ANKRD1: variants seen among roughly 807,000 people sequenced by gnomAD.
ANKRD1 encodes the protein ankyrin repeat domain-containing protein 1.
In ANKRD1, 32 loss-of-function variants were observed where a neutral mutation model predicts 40.1. The observed-to-expected ratio is 0.80, with a 90% confidence interval of 0.60 to 1.07. The LOEUF is 1.07. Among genes scored for constraint, ANKRD1 ranks in the 50% least tolerant of loss-of-function variants. The pLI is 0.00. For missense variants in ANKRD1, 359 were observed against 386.0 expected, an observed-to-expected ratio of 0.93 and a Z score of 0.59; for synonymous variants, 149 against 141.2, an observed-to-expected ratio of 1.06 and a Z score of -0.39.
Position 90,919,130 on chromosome 10 carries a change from C to A in ANKRD1, c.345+1G>T, listed in dbSNP as rs772102908. The stretch of plus-strand genomic sequence containing the variant: ...CTGGAAACCAAAAAAAAAGCCCTTA[C>A]AATGATTTCAGGTTCTGGTTCCTTT... On this transcript the variant is annotated splice_donor_variant, in intron 3 of 8. Coordinates refer to ENST00000371697, the MANE Select transcript of ANKRD1 (RefSeq NM_014391.3). LOFTEE classifies it high-confidence loss of function. The A allele has an allele frequency of 5.0e-6, 8 of 1,612,934 alleles. No individual in the cohort carries two copies. In the South Asian group the frequency reaches 5.5e-5, roughly 11 times the overall value.
intron 8 of ANKRD1, among the ~76,000 whole-genome samples, chr10:90,913,566 T>C (rs1847339582): frequency 6.6e-6 from 1 of 152,186 alleles, no homozygotes; most frequent in African/African-American, 2.4e-5. Flanking sequence ...GAACAAATAA[T>C]TTTTGAGACG....
chr10:90,915,476 C>T (rs1178742788), intron 8 of ANKRD1, 67 bp downstream of exon 8: 3 of 1,405,148 alleles, frequency 2.1e-6, no homozygotes, highest in African/African-American at 2.8e-5. Flanking sequence ...AGTCGTTTCA[C>T]CTATTTAAGA....
chr10:90,920,254 T>G lies in ANKRD1; in HGVS notation c.122A>C (p.Lys41Thr). 6.2e-7 allele frequency: 1 copy of G among 1,614,182 alleles called. No homozygotes were observed. The highest frequency in any genetic ancestry group is 8.5e-7 in the Non-Finnish European group (1 of 1,180,006). The change falls in exon 2 of 9, where the codon AAG becomes ACG. Residue 41 changes from lysine to threonine, a missense_variant. Physicochemically the swap from Lys to Thr is moderately conservative, Grantham distance 78. Coordinates refer to ENST00000371697, the MANE Select transcript of ANKRD1 (RefSeq NM_014391.3). ...TAGAAGTGTCTTCAGATCCTCCTGC[T>G]TCTCTAAAGTAACAGCAGCTTCATA... ...GEYEAAVTLE[K>T]QEDLKTLLAH...
intron 1 of ANKRD1, 46 bp downstream of exon 1, chr10:90,920,955 A>G (rs760785625): frequency 5.0e-6 from 8 of 1,584,592 alleles, no homozygotes; most frequent in Non-Finnish European, 6.1e-6. Context: ...AATAAAAACC[A>G]AGATGAACCA....
At position 90,916,347 on chromosome 10, in the gene ANKRD1, G is replaced by A. The variant is rs1847374285; in HGVS notation, c.553-78C>T. 8.4e-6 allele frequency: 9 copies of A among 1,067,024 alleles called. No homozygotes were observed. The Admixed American group carries it at 1.2e-4, about 15-fold the overall frequency. 66.1% of individuals were successfully genotyped at this position (1,067,024 alleles called of 1,614,324 possible). A position where few individuals can be genotyped will look rare whatever the true frequency, so the allele number is the denominator to read the frequency against. ...TTAGAACCTGGTTGCTAGGGCATCC[G>A]TGAAAATAATGAGTTGTCCCCATCT... is the stretch of plus-strand genomic sequence containing the variant. On this transcript the variant is annotated intron_variant, in intron 5 of 8. Coordinates refer to ENST00000371697, the MANE Select transcript of ANKRD1 (RefSeq NM_014391.3).
At chr10:90,916,481 TAAATC>T (rs1216315715) in intron 5 of ANKRD1, among the ~76,000 whole-genome samples, 2 of 152,146 alleles carry the variant, frequency 1.3e-5, no homozygotes, top group East Asian at 1.9e-4. Context: ...AGGCTCTTAA[TAAATC>T]TAATAATGTT....
At chr10:90,914,529 C>G (rs1478422851) in intron 8 of ANKRD1, among the ~76,000 whole-genome samples, 3 of 152,134 alleles carry the variant, frequency 2.0e-5, no homozygotes, top group Non-Finnish European at 4.4e-5. Flanking sequence ...TAGATAGGAT[C>G]AATTCCAATA....
In ANKRD1 at chr10:90,912,670, T is replaced by C; in HGVS notation, c.*196A>G. On this transcript the variant is annotated 3_prime_UTR_variant, in exon 9 of 9. Transcript: ENST00000371697. Reference sequence around the variant, plus strand: ...GTGGCAGTAAATAAATAAACAGGAATACATAAAAATAAATAAGAGTTTCAC... The same window carrying C: ...GTGGCAGTAAATAAATAAACAGGAACACATAAAAATAAATAAGAGTTTCAC... 2 of 557,414 alleles carry C rather than the reference T, an allele frequency of 3.6e-6. No homozygotes were observed. The highest frequency in any genetic ancestry group is 4.0e-5 in the South Asian group (2 of 50,592). 34.5% of individuals were successfully genotyped at this position (557,414 alleles called of 1,614,324 possible). A position where few individuals can be genotyped will look rare whatever the true frequency, so the allele number is the denominator to read the frequency against.
intron 5 of ANKRD1, among the ~76,000 whole-genome samples, chr10:90,916,974 C>A (rs1305040211): frequency 6.6e-6 from 1 of 152,134 alleles, no homozygotes; most frequent in African/African-American, 2.4e-5. Flanking sequence ...CCTCACTGAT[C>A]TATGTGGTTG....
At position 90,912,996 on chromosome 10, in the gene ANKRD1, A is replaced by G; in HGVS notation, c.850-20T>C. On this transcript the variant is annotated intron_variant, in intron 8 of 8. Transcript: ENST00000371697. ...CCCAGCCTAATCAAATGAGATAAGG[A>G]AAGTTGACTTTCAGGTGGGTGACAT... is the stretch of plus-strand genomic sequence containing the variant. The G allele has an allele frequency of 6.2e-7, 1 of 1,608,474 alleles. No individual in the cohort carries two copies. Among genetic ancestry groups the G allele is most frequent in the East Asian group, 2.2e-5 (1 of 44,852 alleles).
rs60406118 is a variant in ANKRD1, at chr10:90,918,991, A to AATATATATATATAT, written c.346-33_346-20dup. 1.1e-5 allele frequency: 3 copies of AATATATATATATAT among 269,588 alleles called. No individual in the cohort carries two copies. The highest frequency in any genetic ancestry group is 6.8e-5 in the African/African-American group (1 of 14,740). 16.7% of individuals were successfully genotyped at this position (269,588 alleles called of 1,614,324 possible). Reference sequence around the variant, plus strand: ...GTTCCGTCTAAAGCCAAAATAAATAAATATATATATATATATATATATATA... The same window carrying AATATATATATATAT: ...GTTCCGTCTAAAGCCAAAATAAATAAATATATATATATATATATATATATATATATATATATATA... On this transcript the variant is annotated intron_variant, in intron 3 of 8. Coordinates refer to ENST00000371697, the MANE Select transcript of ANKRD1 (RefSeq NM_014391.3).
intron 8 of ANKRD1, 103 bp from the exon 9 acceptor site, chr10:90,913,079 AAC>A (rs1847334939): frequency 9.2e-7 from 1 of 1,085,394 alleles, no homozygotes; most frequent in Non-Finnish European, 1.4e-6. Flanking sequence ...TATATGTTAT[AAC>A]AGTGTTTTAT....
At chr10:90,915,711 G>A (rs1311499777) in intron 7 of ANKRD1, 70 bp from the exon 8 acceptor site, 38 of 1,610,126 alleles carry the variant, frequency 2.4e-5, no homozygotes, top group Middle Eastern at 1.6e-4. Context: ...AGGGCACCCA[G>A]GCTTGGGGGA....
At chr10:90,913,034 A>G in intron 8 of ANKRD1, 58 bp from the exon 9 acceptor site, 3 of 1,450,898 alleles carry the variant, frequency 2.1e-6, no homozygotes, top group Non-Finnish European at 2.9e-6. Flanking sequence ...GTAAATTCAC[A>G]TTCTCTGTGT....
chr10:90,916,108 GAGA>G (rs994512244), intron 6 of ANKRD1, 60 bp downstream of exon 6: 43 of 970,912 alleles, frequency 4.4e-5, no homozygotes, highest in Non-Finnish European at 6.0e-5. Flanking sequence ...GGGAGAAGTG[GAGA>G]AGGATGGGGG....
rs753205311 is a variant in ANKRD1 at position 90,915,888 on chromosome 10, A to G, written c.652-8T>C. On this transcript the variant is annotated splice_polypyrimidine_tract_variant and splice_region_variant and intron_variant, in intron 6 of 8. Coordinates refer to ENST00000371697, the MANE Select transcript of ANKRD1 (RefSeq NM_014391.3). ...CAGCGCTGTGCTGAGCAACTGGAAA[A>G]TTGGAAAACGCTGCTGATTCGCTAG... 1.7e-5 allele frequency: 28 copies of G among 1,604,526 alleles called. No homozygotes were observed. The highest frequency in any genetic ancestry group is 2.4e-5 in the Non-Finnish European group (28 of 1,177,298).
At chr10:90,914,366 T>A (rs1847346593) in intron 8 of ANKRD1, among the ~76,000 whole-genome samples, 1 of 152,178 alleles carries the variant, frequency 6.6e-6, no homozygotes, top group South Asian at 2.1e-4. Context: ...ATTTATATTG[T>A]GATTTTTCTG....
At chr10:90,914,387 C>T (rs1193327036) in intron 8 of ANKRD1, among the ~76,000 whole-genome samples, 1 of 152,140 alleles carries the variant, frequency 6.6e-6, no homozygotes, top group Admixed American at 6.5e-5. Flanking sequence ...GCTACTTACA[C>T]AGTCTCCCTA....
rs778189431 is a variant in ANKRD1 at position 90,912,854 on chromosome 10, C to T, written c.*12G>A. On this transcript the variant is annotated 3_prime_UTR_variant, in exon 9 of 9. Transcript: ENST00000371697. The stretch of plus-strand genomic sequence containing the variant: ...CAGTGAACATTTACTGATTAAGAGT[C>T]TGTCGTTTGCCTCAGAATGTAGCTA... 1.9e-6 allele frequency: 3 copies of T among 1,611,198 alleles called. No individual in the cohort carries two copies. The highest frequency in any genetic ancestry group is 1.1e-5 in the South Asian group (1 of 90,998).
Sources: gnomAD v4.1 joint callset for allele counts (sites outside exome capture counted in the v4.1 genomes callset) on GRCh38, gnomAD v4.1.1 for gene constraint, MANE v1.5 for transcripts, NCBI Gene and HGNC (gene_info 2026-07-23, HGNC 2026-07-21) for gene names.